The following CNPY1 variants were observed in gnomAD, a reference collection of about 807,000 sequenced individuals.
CNPY1 encodes the protein canopy FGF signaling regulator 1.
A neutral mutation model predicts 14.4 loss-of-function variants in CNPY1; 14 were observed. The ratio of observed to expected loss-of-function variants is 0.97; its 90% CI spans 0.64 to 1.52. CNPY1 has a LOEUF of 1.52. Among genes scored for constraint, CNPY1 ranks in the 40% most tolerant of loss-of-function variants. The probability of loss-of-function intolerance (pLI) is 0.00; values close to 1 mark genes in which losing one functional copy is unlikely to be tolerated. For missense variants in CNPY1, 129 were observed against 131.5 expected (o/e 0.98, Z 0.09); for synonymous variants, 43 against 46.5 (o/e 0.92, Z 0.31).
At chr7:155,534,452 GAC>G (rs1186839392) in intron 2 of CNPY1, among the ~76,000 whole-genome samples, 4 of 152,118 alleles carry the variant, frequency 2.6e-5, no homozygotes, top group African/African-American at 7.2e-5. Flanking sequence ...TGCACACACA[GAC>G]ACACACACAC....
At chr7:155,525,029 A>ACTACCC (rs1554449298) in intron 2 of CNPY1, among the ~76,000 whole-genome samples, 1 of 152,122 alleles carries the variant, frequency 6.6e-6, no homozygotes, top group Non-Finnish European at 1.5e-5. Context: ...CACCTGGTGA[A>ACTACCC]CTACCCCTAA....
rs141212035 is a variant in CNPY1 at position 155,502,622 on chromosome 7, C to G, written c.*446G>C. 2.9e-3 allele frequency: 453 copies of G among 154,496 alleles called. 4 individuals carry two copies. The highest frequency in any genetic ancestry group is 0.01 in the African/African-American group (435 of 41,646). The allele number at this position is 154,496 out of a possible 1,614,324, so 9.6% of individuals were successfully genotyped here. A position where few individuals can be genotyped will look rare whatever the true frequency, so the allele number is the denominator to read the frequency against. ...AGAAGGCCACATTTTGAATTTGTTGCCATGTATTTCCTTAAATTTATAGGC... is the reference window on the plus strand; with the variant it reads ...AGAAGGCCACATTTTGAATTTGTTGGCATGTATTTCCTTAAATTTATAGGC... On this transcript the variant is annotated 3_prime_UTR_variant, in exon 5 of 5. Coordinates refer to ENST00000636446, the MANE Select transcript of CNPY1 (RefSeq NM_001393663.1).
intron 2 of CNPY1, among the ~76,000 whole-genome samples, chr7:155,545,106 A>G (rs767216000): frequency 8.5e-5 from 13 of 152,244 alleles, no homozygotes; most frequent in Admixed American, 2.0e-4. Flanking sequence ...GCATCACAAC[A>G]AAAGAAAGCT....
At chr7:155,540,843 G>A (rs914207618) in intron 2 of CNPY1, among the ~76,000 whole-genome samples, 4 of 152,156 alleles carry the variant, frequency 2.6e-5, no homozygotes, top group Non-Finnish European at 5.9e-5. Context: ...CAGTGCATGC[G>A]TACCCTCATT....
At chr7:155,511,050 T>C (rs1384762289) in intron 2 of CNPY1, among the ~76,000 whole-genome samples, 1 of 152,222 alleles carries the variant, frequency 6.6e-6, no homozygotes, top group Non-Finnish European at 1.5e-5. Flanking sequence ...GCATTTTACT[T>C]GAAAGTGAAG....
chr7:155,522,418 G>A (rs1314343483), intron 2 of CNPY1, among the ~76,000 whole-genome samples: 1 of 152,266 alleles, frequency 6.6e-6, no homozygotes, highest in Non-Finnish European at 1.5e-5. Flanking sequence ...CCTAAGGTGG[G>A]TGGGCAGTAG....
At chr7:155,544,879 C>T (rs1307282069) in intron 2 of CNPY1, among the ~76,000 whole-genome samples, 11 of 152,204 alleles carry the variant, frequency 7.2e-5, no homozygotes, top group Non-Finnish European at 1.5e-4. Context: ...AGGTACTGAC[C>T]TGTGGATGGA....
chr7:155,522,240 C>T (rs553537947), intron 2 of CNPY1, among the ~76,000 whole-genome samples: 62 of 152,312 alleles, frequency 4.1e-4, no homozygotes, highest in African/African-American at 1.4e-3. Flanking sequence ...GACAGCCTGG[C>T]GGGGTGGGTA....
chr7:155,524,252 G>A (rs2361693), intron 2 of CNPY1, among the ~76,000 whole-genome samples: 131,367 of 152,292 alleles, frequency 0.86, 56,886 homozygotes, highest in South Asian at 0.95. Flanking sequence ...GGCACTGCGC[G>A]AGCCACACCT....
chr7:155,540,955 G>A (rs1797077382), intron 2 of CNPY1, among the ~76,000 whole-genome samples: 1 of 152,228 alleles, frequency 6.6e-6, no homozygotes, highest in Non-Finnish European at 1.5e-5. Context: ...TTTAGGAAAG[G>A]TGCCATTAAT....
At chr7:155,506,587 T>C (rs991884917) in intron 4 of CNPY1, 2 of 157,414 alleles carry the variant, frequency 1.3e-5, no homozygotes, top group Non-Finnish European at 2.7e-5. Flanking sequence ...AAAAAAACTT[T>C]AGAAAGTTCT....
At chr7:155,527,505 T>TCACA (rs1295054736) in intron 2 of CNPY1, among the ~76,000 whole-genome samples, 4 of 125,608 alleles carry the variant, frequency 3.2e-5, no homozygotes, top group Admixed American at 3.0e-4. Flanking sequence ...AGTGGTGCAA[T>TCACA]CACACAGCTC....
chr7:155,523,066 T>A (rs1302470770), intron 2 of CNPY1, among the ~76,000 whole-genome samples: 3 of 152,206 alleles, frequency 2.0e-5, no homozygotes, highest in Admixed American at 2.0e-4. Context: ...ATTCAAACAA[T>A]TCTTATTCAG....
At chr7:155,515,428 G>A (rs1290962226) in intron 2 of CNPY1, among the ~76,000 whole-genome samples, 4 of 152,192 alleles carry the variant, frequency 2.6e-5, no homozygotes, top group African/African-American at 9.7e-5. Flanking sequence ...AGCTGCTGCA[G>A]GGTGCTGGGC....
chr7:155,518,088 GCTCT>G (rs1438374855), intron 2 of CNPY1, among the ~76,000 whole-genome samples: 1 of 152,140 alleles, frequency 6.6e-6, no homozygotes, highest in Non-Finnish European at 1.5e-5. Flanking sequence ...TTCCCGTGAA[GCTCT>G]CTCTGCCGAA....
At chr7:155,504,728 A>ACACACAC (rs1389526148) in intron 4 of CNPY1, among the ~76,000 whole-genome samples, 26 of 146,260 alleles carry the variant, frequency 1.8e-4, no homozygotes, top group African/African-American at 6.4e-4. Flanking sequence ...ACACACACAC[A>ACACACAC]GTCACATCTT....
chr7:155,509,341 GA>G (rs1231057704), intron 2 of CNPY1, among the ~76,000 whole-genome samples: 2 of 151,966 alleles, frequency 1.3e-5, no homozygotes, highest in African/African-American at 4.8e-5. Flanking sequence ...AAAGTGGCCA[GA>G]AAAAAAATAC....
intron 2 of CNPY1, among the ~76,000 whole-genome samples, chr7:155,519,292 C>T (rs1796675360): frequency 6.6e-6 from 1 of 152,102 alleles, no homozygotes; most frequent in Non-Finnish European, 1.5e-5. Flanking sequence ...GAGGCCAAGA[C>T]AGGAGGATCC....
At chr7:155,521,372 G>A (rs1796720856) in intron 2 of CNPY1, among the ~76,000 whole-genome samples, 1 of 152,200 alleles carries the variant, frequency 6.6e-6, no homozygotes, top group Admixed American at 6.5e-5. Flanking sequence ...GACAGACAAA[G>A]AACCTCCCCA....
Sources: allele counts gnomAD v4.1 joint callset (sites outside exome capture counted in the v4.1 genomes callset), GRCh38; gene constraint gnomAD v4.1.1; transcripts MANE v1.5; gene names NCBI Gene and HGNC (gene_info 2026-07-23, HGNC 2026-07-21).